DERA: variants seen among roughly 807,000 people sequenced by gnomAD.
The protein encoded by DERA is deoxyribose-phosphate aldolase.
Under a neutral mutation model 41.1 loss-of-function variants are expected in DERA, and 15 were observed. The ratio of observed to expected loss-of-function variants is 0.37; its 90% CI spans 0.24 to 0.56. The LOEUF is 0.56. DERA is among the 20% of genes least tolerant of loss of function. The probability of loss-of-function intolerance (pLI) is 0.81; values close to 1 mark genes in which losing one functional copy is unlikely to be tolerated. For synonymous variants in DERA, 139 were observed against 137.4 expected, an observed-to-expected ratio of 1.01 and a Z score of -0.08; for missense variants, 396 against 403.4, an observed-to-expected ratio of 0.98 and a Z score of 0.16.
rs941558479 is a variant in DERA, at chr12:15,983,069, C to G, written c.637+633C>G. ...TCTTTGCTGTGTCTGACACATCTTC[C>G]CTCCATTCTAAGTGCTGCTGTCTTA... On this transcript the variant is annotated intron_variant, in intron 6 of 8. Transcript: ENST00000428559. This position sits in a 1 kb window ranked among gnomAD's most constrained non-coding sequence, Gnocchi z 6.2. Among the ~76,000 whole-genome samples, 3 of 152,138 alleles carry G rather than the reference C, an allele frequency of 2.0e-5. No homozygotes were observed. The highest frequency in any genetic ancestry group is 6.5e-5 in the Admixed American group (1 of 15,270).
rs547419870 is a variant in DERA, at chr12:15,921,370, G to C, written c.31+9956G>C. 6.6e-6 allele frequency among the ~76,000 whole-genome samples: 1 copy of C among 152,136 alleles called. No homozygotes were observed. The highest frequency in any genetic ancestry group is 1.5e-5 in the Non-Finnish European group (1 of 68,028). ...CTCTGTGGTCTCAGAGACTGGAGGAGATAGACCTCTAATCCCATTAGCTGA... is the reference window on the plus strand; with the variant it reads ...CTCTGTGGTCTCAGAGACTGGAGGACATAGACCTCTAATCCCATTAGCTGA... On this transcript the variant is annotated intron_variant, in intron 1 of 8. Transcript: ENST00000428559. The surrounding 1 kb of genome is among the most constrained non-coding windows in gnomAD (Gnocchi z 5.3).
At position 15,959,321 on chromosome 12, in the gene DERA, T is replaced by G. The variant is rs896806905; in HGVS notation, c.278-508T>G. On this transcript the variant is annotated intron_variant, in intron 3 of 8. Transcript: ENST00000428559. This position sits in a 1 kb window ranked among gnomAD's most constrained non-coding sequence, Gnocchi z 4.5. ...ATTTTTTAAAATTTATGAACTTATT[T>G]CTTAAAATCAGGGCTTCCGTTTCAG... Among the ~76,000 whole-genome samples the G allele has an allele frequency of 6.6e-6, 1 of 152,224 alleles. No individual in the cohort carries two copies. The highest frequency in any genetic ancestry group is 1.5e-5 in the Non-Finnish European group (1 of 68,040).
Position 15,985,154 on chromosome 12 carries a change from C to T in DERA, c.637+2718C>T, listed in dbSNP as rs1948756055. 1 of 152,344 alleles carries T rather than the reference C, an allele frequency of 6.6e-6. No individual in the cohort carries two copies. The highest frequency in any genetic ancestry group is 1.5e-5 in the Non-Finnish European group (1 of 68,094). 9.4% of individuals were successfully genotyped at this position (152,344 alleles called of 1,614,324 possible). A position where few individuals can be genotyped will look rare whatever the true frequency, so the allele number is the denominator to read the frequency against. ...CCTTTATAGTCGCCTCCACTCAGCT[C>T]ACCTGCTGTCCCCGCTGCAACCACT... On this transcript the variant is annotated intron_variant, in intron 6 of 8. Coordinates refer to ENST00000428559, the MANE Select transcript of DERA (RefSeq NM_015954.4). The surrounding 1 kb of genome is among the most constrained non-coding windows in gnomAD (Gnocchi z 4.2).
rs536466989 is a variant in DERA, at chr12:15,980,537, AT to A, written c.509-1761del. Among the ~76,000 whole-genome samples the A allele has an allele frequency of 6.7e-3, 1,008 of 150,614 alleles. 3 individuals carry two copies. The highest frequency in any genetic ancestry group is 0.011 in the Non-Finnish European group (770 of 67,488). The stretch of plus-strand genomic sequence containing the variant: ...TCATTCTCTGAATTAAAAGAATATA[AT>A]TTTTTTTTTCGCTCCATAGTCTATT... On this transcript the variant is annotated intron_variant, in intron 5 of 8. Coordinates refer to ENST00000428559, the MANE Select transcript of DERA (RefSeq NM_015954.4).
At position 15,915,511 on chromosome 12, in the gene DERA, T is replaced by C. The variant is rs1948192684; in HGVS notation, c.31+4097T>C. On this transcript the variant is annotated intron_variant, in intron 1 of 8. Coordinates refer to ENST00000428559, the MANE Select transcript of DERA (RefSeq NM_015954.4). This position sits in a 1 kb window ranked among gnomAD's most constrained non-coding sequence, Gnocchi z 4.8. ...TGTGTCAGTATGTTGACCAGACTGT[T>C]CTCAAACTCCTAGCCTCAAGTGATA... 6.6e-6 allele frequency among the ~76,000 whole-genome samples: 1 copy of C among 152,146 alleles called. No homozygotes were observed. The highest frequency in any genetic ancestry group is 2.4e-5 in the African/African-American group (1 of 41,420).
intron 6 of DERA, 75 bp from the exon 7 acceptor site, chr12:16,032,467 C>T (rs1056427037): frequency 2.4e-6 from 2 of 832,610 alleles, no homozygotes; most frequent in South Asian, 4.0e-5. Flanking sequence ...TTACACAACT[C>T]ATTTCTCCCA....
intron 1 of DERA, among the ~76,000 whole-genome samples, chr12:15,929,810 A>G (rs991259376): frequency 2.6e-5 from 4 of 152,190 alleles, no homozygotes; most frequent in Non-Finnish European, 5.9e-5. Context: ...TTCAGTTTCG[A>G]AGGATGACCC....
intron 6 of DERA, among the ~76,000 whole-genome samples, chr12:16,016,651 G>A (rs956785957): frequency 4.6e-5 from 7 of 151,740 alleles, no homozygotes; most frequent in African/African-American, 1.7e-4. Context: ...AAATTAGCTG[G>A]TGTGGTGCTG....
Position 15,981,600 on chromosome 12 carries a change from C to T in DERA, c.509-708C>T, listed in dbSNP as rs1489683813. On this transcript the variant is annotated intron_variant, in intron 5 of 8. Coordinates refer to ENST00000428559, the MANE Select transcript of DERA (RefSeq NM_015954.4). This position sits in a 1 kb window ranked among gnomAD's most constrained non-coding sequence, Gnocchi z 6.1. ...CTGCTACCTTTCATGTAAAATGTTA[C>T]CTTGAATATGAAATATGAAATAAAT... Among the ~76,000 whole-genome samples, 8 of 152,108 alleles carry T rather than the reference C, an allele frequency of 5.3e-5. No individual in the cohort carries two copies. Among genetic ancestry groups the T allele is most frequent in the South Asian group, 2.1e-4 (1 of 4,812 alleles).
chr12:15,919,746 G>C (rs1295176701), intron 1 of DERA, among the ~76,000 whole-genome samples: 2 of 152,150 alleles, frequency 1.3e-5, no homozygotes, highest in African/African-American at 2.4e-5. Context: ...TGTATAGTCA[G>C]GCCTTCCTCC....
rs1432423865 is a variant in DERA, at chr12:15,926,596, C to T, written c.31+15182C>T. On this transcript the variant is annotated intron_variant, in intron 1 of 8. Coordinates refer to ENST00000428559, the MANE Select transcript of DERA (RefSeq NM_015954.4). The stretch of plus-strand genomic sequence containing the variant: ...CTAAAAATACAAAAAATTAGCCGGG[C>T]GTGGTGGCGGGCGCCTGTAGTCCCA... Among the ~76,000 whole-genome samples, 8 of 151,986 alleles carry T rather than the reference C, an allele frequency of 5.3e-5. No individual in the cohort carries two copies. The South Asian group carries it at 1.2e-3, about 24-fold the overall frequency.
At chr12:16,007,186 T>G (rs558640617) in intron 6 of DERA, among the ~76,000 whole-genome samples, 8 of 148,570 alleles carry the variant, frequency 5.4e-5, no homozygotes, top group Non-Finnish European at 8.9e-5. Context: ...TTTTTTTTTT[T>G]TTGTTTTTTT....
chr12:16,028,981 A>C (rs564102869), intron 6 of DERA, among the ~76,000 whole-genome samples: 2 of 152,336 alleles, frequency 1.3e-5, no homozygotes. Context: ...TTTGGTTAAT[A>C]GTATATCAGC....
rs754756382 is a variant in DERA, at chr12:15,976,281, C to CA, written c.509-6025dup. On this transcript the variant is annotated intron_variant, in intron 5 of 8. Coordinates refer to ENST00000428559, the MANE Select transcript of DERA (RefSeq NM_015954.4). This position sits in a 1 kb window ranked among gnomAD's most constrained non-coding sequence, Gnocchi z 4.1. ...TTTTTATCAATTGCTTTGTGTTTGACAATCTCTAGAACCTGCGGGTTGTCT... is the reference window on the plus strand; with the variant it reads ...TTTTTATCAATTGCTTTGTGTTTGACAAATCTCTAGAACCTGCGGGTTGTCT... Among the ~76,000 whole-genome samples the CA allele has an allele frequency of 1.4e-4, 21 of 152,114 alleles. No individual in the cohort carries two copies. Among genetic ancestry groups the CA allele is most frequent in the Non-Finnish European group, 1.8e-4 (12 of 68,032 alleles).
chr12:15,962,745 C>G, intron 4 of DERA, 68 bp from the exon 5 acceptor site: 1 of 1,364,978 alleles, frequency 7.3e-7, no homozygotes, highest in Non-Finnish European at 9.9e-7. Flanking sequence ...GTTTTCCCCT[C>G]CCCCCCTTGC....
intron 6 of DERA, among the ~76,000 whole-genome samples, chr12:16,031,813 C>G (rs1949094228): frequency 6.6e-6 from 1 of 152,134 alleles, no homozygotes; most frequent in Non-Finnish European, 1.5e-5. Flanking sequence ...ACTATGATCT[C>G]TATTTGTAGC....
At chr12:16,029,599 A>G (rs1461261793) in intron 6 of DERA, among the ~76,000 whole-genome samples, 1 of 151,976 alleles carries the variant, frequency 6.6e-6, no homozygotes, top group Non-Finnish European at 1.5e-5. Flanking sequence ...GTGTCCATCC[A>G]TCTAGAAATT....
chr12:15,911,490 C>G lies in DERA; in HGVS notation c.31+76C>G. On this transcript the variant is annotated intron_variant, in intron 1 of 8. Coordinates refer to ENST00000428559, the MANE Select transcript of DERA (RefSeq NM_015954.4). This position sits in a 1 kb window ranked among gnomAD's most constrained non-coding sequence, Gnocchi z 4.5. ...CCGGGACTAGCGCGGGGCCTGCTGC[C>G]GCCCAGTGCCCTGGCTGTGGGTCCC... 1 of 1,330,726 alleles carries G rather than the reference C, an allele frequency of 7.5e-7. No homozygotes were observed. Among genetic ancestry groups the G allele is most frequent in the Non-Finnish European group, 9.9e-7 (1 of 1,011,130 alleles). 82.4% of individuals were successfully genotyped at this position (1,330,726 alleles called of 1,614,324 possible).
rs1000810092 is a variant in DERA, at chr12:16,026,563, T to G, written c.638-5979T>G. ...AATTTCTTTTATAAAATATTTAATG[T>G]GACTTTTACATAAATTGTAAATATA... is the stretch of plus-strand genomic sequence containing the variant. On this transcript the variant is annotated intron_variant, in intron 6 of 8. Transcript: ENST00000428559. The surrounding 1 kb of genome is among the most constrained non-coding windows in gnomAD (Gnocchi z 4.4). Among the ~76,000 whole-genome samples the G allele has an allele frequency of 6.4e-4, 96 of 150,582 alleles. No individual in the cohort carries two copies. Among genetic ancestry groups the G allele is most frequent in the African/African-American group, 2.2e-3 (92 of 41,402 alleles).
Sources: gnomAD v4.1 joint callset for allele counts (sites outside exome capture counted in the v4.1 genomes callset) on GRCh38, gnomAD v4.1.1 for gene constraint, Gnocchi (gnomAD v3.1) non-coding constraint, MANE v1.5 for transcripts, NCBI Gene and HGNC (gene_info 2026-07-23, HGNC 2026-07-21) for gene names.